Variants in EML4 observed in about 807,000 individuals in gnomAD.
EML4 encodes EMAP like 4.
Under a neutral mutation model 129.0 loss-of-function variants are expected in EML4, and 72 were observed. The ratio of observed to expected loss-of-function variants is 0.56; its 90% CI spans 0.46 to 0.68. The LOEUF (loss-of-function observed/expected upper bound fraction) is 0.68. Among genes scored for constraint, EML4 ranks in the 30% least tolerant of loss-of-function variants. The pLI is 0.00. For missense variants in EML4, 1,363 were observed against 1,190.6 expected (o/e 1.14, Z -2.13); for synonymous variants, 532 against 405.0 (o/e 1.31, Z -3.77).
At position 42,329,728 on chromosome 2, in the gene EML4, A is replaced by T; in HGVS notation, c.2473-6A>T. 6.2e-7 allele frequency: 1 copy of T among 1,610,278 alleles called. No individual in the cohort carries two copies. Among genetic ancestry groups the T allele is most frequent in the Non-Finnish European group, 8.5e-7 (1 of 1,176,962 alleles). On this transcript the variant is annotated splice_region_variant and splice_polypyrimidine_tract_variant and intron_variant, in intron 22 of 22. Transcript: ENST00000318522. ...TTTTCCTGTCTGTCTGATTTATTTC[A>T]TATAGGCTCCCAGTCACAAGTACAG...
chr2:42,232,193 G>T (rs1329363371), intron 1 of EML4, among the ~76,000 whole-genome samples: 1 of 152,116 alleles, frequency 6.6e-6, no homozygotes. Flanking sequence ...GATTTGAGAA[G>T]AAAGAAATGG....
At chr2:42,317,347 C>A in intron 18 of EML4, 80 bp from the exon 19 acceptor site, 3 of 919,154 alleles carry the variant, frequency 3.3e-6, no homozygotes, top group Non-Finnish European at 3.4e-6. Context: ...GATTTAACAG[C>A]ATTTGTAAAA....
chr2:42,268,698 A>G (rs966393723), intron 6 of EML4, among the ~76,000 whole-genome samples: 10 of 152,160 alleles, frequency 6.6e-5, no homozygotes, highest in Admixed American at 6.5e-4. Context: ...TCTACCTCCC[A>G]AAGCGTTAGG....
Position 42,324,618 on chromosome 2 carries a change from C to CA in EML4, c.2155-840dup, listed in dbSNP as rs561725020. Among the ~76,000 whole-genome samples the CA allele has an allele frequency of 9.6e-3, 1,449 of 150,556 alleles. 23 individuals are homozygous for CA. The highest frequency in any genetic ancestry group is 0.046 in the South Asian group (217 of 4,766). On this transcript the variant is annotated intron_variant, in intron 19 of 22. Transcript: ENST00000318522. ...TTGGCAACAGAGTGAGACCCTGTCT[C>CA]AAAAAAAAAGTTAGTAATTGAAAAA...
intron 2 of EML4, among the ~76,000 whole-genome samples, chr2:42,252,955 C>T (rs968462409): frequency 2.0e-5 from 3 of 152,002 alleles, no homozygotes; most frequent in Non-Finnish European, 2.9e-5. Context: ...ATTTTGAATT[C>T]CTTGATGTCA....
At chr2:42,290,832 T>C (rs1341346016) in intron 11 of EML4, among the ~76,000 whole-genome samples, 2 of 152,148 alleles carry the variant, frequency 1.3e-5, no homozygotes, top group Non-Finnish European at 2.9e-5. Context: ...TACATAATCA[T>C]GGATAGGAGA....
intron 1 of EML4, among the ~76,000 whole-genome samples, chr2:42,186,932 C>T (rs779553194): frequency 6.6e-6 from 1 of 151,902 alleles, no homozygotes; most frequent in African/African-American, 2.4e-5. Flanking sequence ...CAAAAAAATT[C>T]TCTCATGCCT....
At chr2:42,285,554 C>T (rs951977197) in intron 9 of EML4, among the ~76,000 whole-genome samples, 1 of 151,116 alleles carries the variant, frequency 6.6e-6, no homozygotes, top group Non-Finnish European at 1.5e-5. Flanking sequence ...GTATCCGGAG[C>T]AGATTTGCCT....
chr2:42,321,566 G>A (rs1012792941), intron 19 of EML4, among the ~76,000 whole-genome samples: 1 of 152,006 alleles, frequency 6.6e-6, no homozygotes, highest in East Asian at 1.9e-4. Flanking sequence ...CCAAGCAGAA[G>A]GGATTAGAGC....
chr2:42,187,790 A>G (rs954096972), intron 1 of EML4, among the ~76,000 whole-genome samples: 2 of 152,182 alleles, frequency 1.3e-5, no homozygotes, highest in Non-Finnish European at 2.9e-5. Flanking sequence ...TTGCCCTTTC[A>G]TAAACTAACA....
At chr2:42,320,990 C>T (rs977570263) in intron 19 of EML4, among the ~76,000 whole-genome samples, 1 of 152,126 alleles carries the variant, frequency 6.6e-6, no homozygotes, top group African/African-American at 2.4e-5. Flanking sequence ...AGAGTAAACA[C>T]TTTATCTACC....
intron 1 of EML4, among the ~76,000 whole-genome samples, chr2:42,186,982 C>G (rs992930714): frequency 1.4e-5 from 2 of 142,490 alleles, no homozygotes; most frequent in African/African-American, 5.3e-5. Context: ...GACTCCAGTT[C>G]TTGGCAACTG....
intron 1 of EML4, among the ~76,000 whole-genome samples, chr2:42,196,755 A>C (rs1425331564): frequency 6.6e-6 from 1 of 152,202 alleles, no homozygotes; most frequent in Non-Finnish European, 1.5e-5. Flanking sequence ...CCAAATTAGT[A>C]ACTTCCCTTC....
At chr2:42,242,444 G>C (rs79984963) in intron 1 of EML4, among the ~76,000 whole-genome samples, 3,595 of 152,266 alleles carry the variant, frequency 0.024, 130 homozygotes, top group African/African-American at 0.082. Flanking sequence ...GCTTCAGAGA[G>C]TATAACTGGA....
chr2:42,301,333 G>C lies in EML4; in HGVS notation c.1582G>C (p.Gly528Arg). Reference sequence around the variant, plus strand: ...AAATGGGATGTTATTAACTGGAGGAGGGAAAGACAGAAAAATAATTCTGTG... The same window carrying C: ...AAATGGGATGTTATTAACTGGAGGACGGAAAGACAGAAAAATAATTCTGTG... ...MRNGMLLTGG[G>R]KDRKIILWDH... Residue 528 changes from glycine (G) to arginine (R), a missense_variant, in exon 14 of 23, where the codon GGG becomes CGG. Physicochemically the swap from Gly to Arg is moderately radical, Grantham distance 125. Transcript: ENST00000318522. 1 of 1,612,920 alleles carries C rather than the reference G, an allele frequency of 6.2e-7. No individual in the cohort carries two copies. Among genetic ancestry groups the C allele is most frequent in the Non-Finnish European group, 8.5e-7 (1 of 1,179,448 alleles).
chr2:42,172,527 C>G (rs897184784), intron 1 of EML4, among the ~76,000 whole-genome samples: 1 of 152,152 alleles, frequency 6.6e-6, no homozygotes, highest in Non-Finnish European at 1.5e-5. Flanking sequence ...TTCTTTTAAT[C>G]TCCGCAGCTG....
intron 1 of EML4, among the ~76,000 whole-genome samples, chr2:42,231,553 A>G (rs1034023780): frequency 6.6e-6 from 1 of 152,124 alleles, no homozygotes. Flanking sequence ...CCATTTATTC[A>G]GTCATCCAAA....
chr2:42,249,578 T>C (rs1675635032), intron 2 of EML4, among the ~76,000 whole-genome samples: 1 of 152,168 alleles, frequency 6.6e-6, no homozygotes, highest in African/African-American at 2.4e-5. Context: ...CAAAAGTAAA[T>C]GCTAATGATG....
Position 42,256,610 on chromosome 2 carries a change from T to A in EML4, c.318T>A (p.Thr106=). The change falls in exon 3 of 23, where the codon ACT becomes ACA. Residue 106 remains threonine, a synonymous_variant. Coordinates refer to ENST00000318522, the MANE Select transcript of EML4 (RefSeq NM_019063.5). The part of the protein sequence containing the change: ...TSAVSIAGKE[T]LSSAAKSGTE... ...CTGTCTCAATTGCAGGAAAAGAAAC[T>A]CTTTCATCTGCTGCTAAAAGGTACC... 6.2e-7 allele frequency: 1 copy of A among 1,613,724 alleles called. No individual in the cohort carries two copies. The highest frequency in any genetic ancestry group is 8.5e-7 in the Non-Finnish European group (1 of 1,179,792).
Sources: gnomAD v4.1 joint callset for allele counts (sites outside exome capture counted in the v4.1 genomes callset) on GRCh38, gnomAD v4.1.1 for gene constraint, MANE v1.5 for transcripts, NCBI Gene and HGNC (gene_info 2026-07-23, HGNC 2026-07-21) for gene names.